The following SKIC3 variants were observed in gnomAD, a reference collection of about 807,000 sequenced individuals.
SKIC3 encodes the protein superkiller complex protein 3.
chr5:95,531,517 A>G, the SKIC3 span, among the ~76,000 whole-genome samples: 61 of 152,010 alleles, frequency 4.0e-4, no homozygotes, highest in African/African-American at 1.4e-3. Flanking sequence ...TACACCCTAT[A>G]CCCTCCCAAG....
chr5:95,481,516 TTATGA>T, the SKIC3 span, among the ~76,000 whole-genome samples: 5 of 152,194 alleles, frequency 3.3e-5, no homozygotes, highest in Non-Finnish European at 5.9e-5. Flanking sequence ...ACTAATACAC[TTATGA>T]TATAATTTAT....
the SKIC3 span, among the ~76,000 whole-genome samples, chr5:95,474,892 A>T: frequency 2.0e-5 from 3 of 152,298 alleles, no homozygotes; most frequent in Admixed American, 1.3e-4. Context: ...AGCTTGATGT[A>T]TTCTTCTTTT....
chr5:95,472,845 G>A, the SKIC3 span, among the ~76,000 whole-genome samples: 2 of 152,192 alleles, frequency 1.3e-5, no homozygotes, highest in Non-Finnish European at 2.9e-5. Flanking sequence ...ACTTACAAGT[G>A]AGAACATGCG....
chr5:95,541,382 T>G, the SKIC3 span: 1 of 1,613,340 alleles, frequency 6.2e-7, no homozygotes, highest in Non-Finnish European at 8.5e-7. Context: ...TTGTCAACAC[T>G]TAGAACAAAA....
the SKIC3 span, among the ~76,000 whole-genome samples, chr5:95,518,710 T>C: frequency 2.0e-5 from 3 of 152,130 alleles, no homozygotes; most frequent in African/African-American, 7.2e-5. Context: ...CATTCATCTG[T>C]TGTTGAATAT....
chr5:95,524,482 G>GAGCCTT, the SKIC3 span: 5 of 1,613,262 alleles, frequency 3.1e-6, no homozygotes, highest in South Asian at 5.5e-5. Flanking sequence ...AAGTGGGTAA[G>GAGCCTT]AGCCTTTGTT....
chr5:95,539,843 C>CAAAAAAAAA, the SKIC3 span, among the ~76,000 whole-genome samples: 60 of 107,548 alleles, frequency 5.6e-4, no homozygotes, highest in Admixed American at 1.6e-3. Context: ...CACTCTGCCT[C>CAAAAAAAAA]AAAAAAAAAA....
chr5:95,547,131 T>G, the SKIC3 span: 1 of 1,613,146 alleles, frequency 6.2e-7, no homozygotes, highest in Non-Finnish European at 8.5e-7. Flanking sequence ...TAGAGCAGTC[T>G]TCACTTCCTT....
At chr5:95,516,424 AT>A in the SKIC3 span, 96 of 1,612,598 alleles carry the variant, frequency 6.0e-5, no homozygotes, top group Non-Finnish European at 7.9e-5. Flanking sequence ...AAAACATAAC[AT>A]TTTTTTTCTT....
the SKIC3 span, chr5:95,536,796 C>T: frequency 6.3e-7 from 1 of 1,577,912 alleles, no homozygotes; most frequent in Non-Finnish European, 8.7e-7. Flanking sequence ...AGGACACACA[C>T]TATAATAAGG....
chr5:95,538,015 T>G, the SKIC3 span, among the ~76,000 whole-genome samples: 3 of 152,088 alleles, frequency 2.0e-5, no homozygotes, highest in African/African-American at 7.2e-5. Context: ...TTATTCCAAA[T>G]GAAAAATCTG....
chr5:95,553,618 G>T, the SKIC3 span, among the ~76,000 whole-genome samples: 1 of 151,922 alleles, frequency 6.6e-6, no homozygotes, highest in Non-Finnish European at 1.5e-5. Context: ...GGAGTGCAAA[G>T]GTGCGATCTC....
At chr5:95,470,052 CT>C in the SKIC3 span, 309,039 of 967,732 alleles carry the variant, frequency 0.32, 59,292 homozygotes, top group African/African-American at 0.78. Flanking sequence ...TCTCGGCTCA[CT>C]TGCAAGCTCT....
the SKIC3 span, chr5:95,548,701 A>G: frequency 1.3e-5 from 2 of 151,994 alleles, no homozygotes; most frequent in African/African-American, 4.8e-5. Flanking sequence ...CTTTGGTTAA[A>G]AAAAACCCTG....
At chr5:95,552,767 T>C in the SKIC3 span, among the ~76,000 whole-genome samples, 8 of 151,834 alleles carry the variant, frequency 5.3e-5, no homozygotes, top group South Asian at 1.3e-3. Context: ...AATTACTGAT[T>C]AGCAAAAATG....
At chr5:95,529,390 TC>T in the SKIC3 span, 1 of 443,838 alleles carries the variant, frequency 2.3e-6, no homozygotes, top group Admixed American at 3.4e-5. Context: ...AAAAGACAAA[TC>T]AGATTATAAA....
chr5:95,464,925 T>C, the SKIC3 span, among the ~76,000 whole-genome samples: 2 of 37,406 alleles, frequency 5.3e-5, no homozygotes, highest in African/African-American at 2.7e-4. Context: ...TTCTGATTGC[T>C]TTTTTTTTTT....
the SKIC3 span, among the ~76,000 whole-genome samples, chr5:95,472,349 A>T: frequency 3.2e-3 from 495 of 152,316 alleles, 1 homozygote; most frequent in Middle Eastern, 0.014. Context: ...GAAACATGGG[A>T]TCACTTTCTA....
chr5:95,492,652 GAAAAAAAAAAAAAAAA>G, the SKIC3 span, among the ~76,000 whole-genome samples: 18 of 48,842 alleles, frequency 3.7e-4, no homozygotes, highest in Admixed American at 9.2e-4. Context: ...AAAAAAAAAA[GAAAAAAAAAAAAAAAA>G]AAAAAAAAAA....
Sources: allele counts gnomAD v4.1 joint callset (sites outside exome capture counted in the v4.1 genomes callset), GRCh38; gene constraint gnomAD v4.1.1; transcripts MANE v1.5; gene names NCBI Gene and HGNC (gene_info 2026-07-23, HGNC 2026-07-21).